Variants in NRXN1 observed in about 807,000 individuals in gnomAD.
The protein encoded by NRXN1 is neurexin-1.
NRXN1 carries 39 observed loss-of-function variants against 150.9 expected under a neutral mutation model. That is an observed-to-expected ratio of 0.26 (90% CI 0.20 to 0.34). The LOEUF is 0.34. Among genes scored for constraint, NRXN1 ranks in the 10% least tolerant of loss-of-function variants. The probability of loss-of-function intolerance (pLI) is 1.00; values close to 1 mark genes in which losing one functional copy is unlikely to be tolerated. For synonymous variants in NRXN1, 924 were observed against 757.0 expected, an observed-to-expected ratio of 1.22 and a Z score of -3.62; for missense variants, 1,815 against 1,949.9, an observed-to-expected ratio of 0.93 and a Z score of 1.30.
intron 17 of NRXN1, among the ~76,000 whole-genome samples, chr2:50,382,118 G>GC (rs146571723): frequency 0.21 from 31,444 of 151,948 alleles, 3,868 homozygotes; most frequent in East Asian, 0.43. Context: ...TTGTAAGAAA[G>GC]ACCTATTACT....
At chr2:50,850,311 C>G (rs1210006820) in intron 5 of NRXN1, among the ~76,000 whole-genome samples, 3 of 151,848 alleles carry the variant, frequency 2.0e-5, no homozygotes, top group Admixed American at 6.6e-5. Flanking sequence ...CCTCCCTTCT[C>G]CACTGCTTTT....
intron 2 of NRXN1, among the ~76,000 whole-genome samples, chr2:50,969,956 G>A (rs919806505): frequency 1.3e-5 from 2 of 152,118 alleles, no homozygotes; most frequent in East Asian, 3.9e-4. Context: ...AAAAGGGTAA[G>A]AACTAATGCT....
chr2:50,824,270 G>A (rs1325586589), intron 5 of NRXN1, among the ~76,000 whole-genome samples: 1 of 151,744 alleles, frequency 6.6e-6, no homozygotes, highest in Admixed American at 6.6e-5. Context: ...TATGACTATA[G>A]TATTATTATT....
chr2:50,939,499 A>G (rs1689083546), intron 2 of NRXN1, among the ~76,000 whole-genome samples: 1 of 152,060 alleles, frequency 6.6e-6, no homozygotes, highest in Admixed American at 6.6e-5. Flanking sequence ...TTTATTGGAT[A>G]GGATGCAAAT....
At position 50,620,368 on chromosome 2, in the gene NRXN1, G is replaced by C. The variant is rs1035590; in HGVS notation, c.1159-185C>G. 0.011 allele frequency among the ~76,000 whole-genome samples: 1,684 copies of C among 151,922 alleles called. 31 individuals are homozygous for C. The highest frequency in any genetic ancestry group is 0.038 in the African/African-American group (1,589 of 41,418). ...ACGGAACCCATTTTCATGTCTGTTT[G>C]AGGTTTATTCTTAGATTCTATTCAA... On this transcript the variant is annotated intron_variant, in intron 7 of 22. Coordinates refer to ENST00000401669, the MANE Select transcript of NRXN1 (RefSeq NM_001330078.2).
At chr2:50,424,901 T>G (rs568789326) in intron 17 of NRXN1, among the ~76,000 whole-genome samples, 77 of 152,294 alleles carry the variant, frequency 5.1e-4, no homozygotes, top group African/African-American at 1.8e-3. Flanking sequence ...TGTTAAAAAA[T>G]AAGAAGCATC....
chr2:50,449,270 G>T (rs1485229748), intron 17 of NRXN1, among the ~76,000 whole-genome samples: 1 of 152,214 alleles, frequency 6.6e-6, no homozygotes, highest in Non-Finnish European at 1.5e-5. Flanking sequence ...AAATGGTGAA[G>T]TCAAGAAAGT....
At chr2:50,906,373 C>G (rs558520025) in intron 5 of NRXN1, among the ~76,000 whole-genome samples, 1 of 152,180 alleles carries the variant, frequency 6.6e-6, no homozygotes, top group South Asian at 2.1e-4. Context: ...ATCTGGGAAG[C>G]AGTCTTGACT....
intron 5 of NRXN1, among the ~76,000 whole-genome samples, chr2:50,851,375 C>T (rs1265042541): frequency 6.6e-6 from 1 of 152,138 alleles, no homozygotes; most frequent in Non-Finnish European, 1.5e-5. Context: ...TTTAGGTAAA[C>T]AAGAAATATA....
chr2:50,864,390 C>A (rs1183208261), intron 5 of NRXN1, among the ~76,000 whole-genome samples: 1 of 151,942 alleles, frequency 6.6e-6, no homozygotes, highest in Non-Finnish European at 1.5e-5. Context: ...TTTCATTTTC[C>A]AAGAGACTAG....
chr2:50,506,590 C>G lies in NRXN1; in HGVS notation c.2402G>C (p.Gly801Ala). The change falls in exon 13 of 23, where the codon GGC becomes GCC. Residue 801 changes from glycine (G) to alanine (A), a missense_variant. Coordinates refer to ENST00000401669, the MANE Select transcript of NRXN1 (RefSeq NM_001330078.2). ...SSKGPETLFA[G>A]YNLNDNEWHT... ...CCACTCGTTATCATTGAGGTTATAG[C>G]CAGCAAAAAGAGTCTCGGGACCTTT... is the stretch of plus-strand genomic sequence containing the variant. 6.2e-7 allele frequency: 1 copy of G among 1,613,296 alleles called. No individual in the cohort carries two copies. Among genetic ancestry groups the G allele is most frequent in the Non-Finnish European group, 8.5e-7 (1 of 1,179,540 alleles).
intron 2 of NRXN1, among the ~76,000 whole-genome samples, chr2:50,932,926 T>C (rs1687981044): frequency 6.6e-6 from 1 of 152,052 alleles, no homozygotes; most frequent in Non-Finnish European, 1.5e-5. Context: ...TATTTGTTGA[T>C]TCTATAAAGT....
At chr2:50,831,784 T>A (rs537595572) in intron 5 of NRXN1, among the ~76,000 whole-genome samples, 1 of 152,212 alleles carries the variant, frequency 6.6e-6, no homozygotes. Flanking sequence ...AGACTATTCA[T>A]GTCATGCGAA....
At chr2:50,870,953 A>T (rs955447828) in intron 5 of NRXN1, among the ~76,000 whole-genome samples, 1 of 151,902 alleles carries the variant, frequency 6.6e-6, no homozygotes, top group African/African-American at 2.4e-5. Flanking sequence ...TAAGTTAACA[A>T]TAGTTTTTGA....
chr2:50,487,866 G>A (rs1011415142), intron 15 of NRXN1, among the ~76,000 whole-genome samples: 1 of 152,162 alleles, frequency 6.6e-6, no homozygotes, highest in African/African-American at 2.4e-5. Context: ...TGCACAGAAG[G>A]TAAAAATCTA....
chr2:49,918,629 A>C lies in NRXN1; in HGVS notation c.*3315T>G, dbSNP rs1030989715. 6 of 152,086 alleles carry C rather than the reference A, an allele frequency of 3.9e-5. No homozygotes were observed. Among genetic ancestry groups the C allele is most frequent in the Non-Finnish European group, 8.8e-5 (6 of 67,966 alleles). The allele number at this position is 152,086 out of a possible 1,614,324, so 9.4% of individuals were successfully genotyped here. ...TTTGCAACTAATACTGTATGAGTTTATGGTTTCTGGCATATCAAGATGAAC... is the reference window on the plus strand; with the variant it reads ...TTTGCAACTAATACTGTATGAGTTTCTGGTTTCTGGCATATCAAGATGAAC... On this transcript the variant is annotated 3_prime_UTR_variant, in exon 23 of 23. Transcript: ENST00000401669.
intron 12 of NRXN1, among the ~76,000 whole-genome samples, chr2:50,522,463 G>A (rs1004595712): frequency 1.3e-5 from 2 of 152,080 alleles, no homozygotes; most frequent in African/African-American, 2.4e-5. Flanking sequence ...GTTTCAACAT[G>A]CATTCTTAAA....
intron 2 of NRXN1, among the ~76,000 whole-genome samples, chr2:50,940,794 T>C (rs1009592112): frequency 6.6e-6 from 1 of 152,098 alleles, no homozygotes; most frequent in African/African-American, 2.4e-5. Context: ...AGGGGAAAAA[T>C]AATCAAAAGT....
intron 17 of NRXN1, among the ~76,000 whole-genome samples, chr2:50,383,081 A>G (rs537887785): frequency 3.9e-5 from 6 of 152,192 alleles, no homozygotes; most frequent in South Asian, 2.1e-4. Context: ...TTTCCTTATG[A>G]TCTGATTCTT....
Sources: gnomAD v4.1 joint callset for allele counts (sites outside exome capture counted in the v4.1 genomes callset) on GRCh38, gnomAD v4.1.1 for gene constraint, MANE v1.5 for transcripts, NCBI Gene and HGNC (gene_info 2026-07-23, HGNC 2026-07-21) for gene names.